Variants in CCDC33 observed in about 807,000 individuals in gnomAD.
The protein encoded by CCDC33 is coiled-coil domain containing 33, also known as coiled-coil domain-containing protein 33.
Under a neutral mutation model 91.9 loss-of-function variants are expected in CCDC33, and 94 were observed. That is an observed-to-expected ratio of 1.02 (90% CI 0.87 to 1.21). The LOEUF (loss-of-function observed/expected upper bound fraction) is 1.21. Among genes scored for constraint, CCDC33 ranks in the 50% most tolerant of loss-of-function variants. The pLI, the probability that CCDC33 is intolerant of heterozygous loss-of-function variation, is 0.00. For missense variants in CCDC33, 940 were observed against 935.5 expected (o/e 1.00, Z -0.06); for synonymous variants, 396 against 374.5 (o/e 1.06, Z -0.66).
chr15:74,246,062 C>A (rs1347976680), intron 2 of CCDC33, among the ~76,000 whole-genome samples: 2 of 152,222 alleles, frequency 1.3e-5, no homozygotes, highest in Non-Finnish European at 2.9e-5. Flanking sequence ...GAATTTATAT[C>A]CCTGCACATC....
intron 1 of CCDC33, among the ~76,000 whole-genome samples, chr15:74,204,025 G>C (rs534022258): frequency 1.5e-4 from 23 of 152,330 alleles, no homozygotes; most frequent in African/African-American, 5.5e-4. Context: ...TGCAGGGCAG[G>C]ATTAGGGGCT....
intron 7 of CCDC33, among the ~76,000 whole-genome samples, chr15:74,274,844 T>C (rs1164430179): frequency 6.6e-6 from 1 of 152,180 alleles, no homozygotes. Context: ...TGGGACCCGG[T>C]CCAGCAATGG....
chr15:74,213,636 G>C (rs765770166), upstream of CCDC33: 1 of 152,220 alleles, frequency 6.6e-6, no homozygotes, highest in East Asian at 1.9e-4. Flanking sequence ...AAGCCCCTCC[G>C]TGTTCGGGGT....
chr15:74,310,230 T>A (rs945981167), intron 11 of CCDC33, among the ~76,000 whole-genome samples: 1 of 151,590 alleles, frequency 6.6e-6, no homozygotes, highest in African/African-American at 2.4e-5. Flanking sequence ...GTGCAGAAGG[T>A]CTGGCTAATC....
At chr15:74,282,979 A>T (rs2059398195) in intron 10 of CCDC33, among the ~76,000 whole-genome samples, 1 of 152,186 alleles carries the variant, frequency 6.6e-6, no homozygotes, top group South Asian at 2.1e-4. Flanking sequence ...CCCACGCAGG[A>T]AAAATATCCA....
At chr15:74,214,643 C>G (rs2074395833), upstream of CCDC33, among the ~76,000 whole-genome samples, 1 of 152,242 alleles carries the variant, frequency 6.6e-6, no homozygotes, top group East Asian at 1.9e-4. Context: ...AGAACTGAGG[C>G]CAGACTCAGA....
At chr15:74,278,650 G>A (rs56402620) in intron 7 of CCDC33, among the ~76,000 whole-genome samples, 1 of 152,180 alleles carries the variant, frequency 6.6e-6, no homozygotes, top group African/African-American at 2.4e-5. Flanking sequence ...CCACATTTTT[G>A]ATTGTGCTGT....
At chr15:74,223,832 A>C (rs117204491) in intron 2 of CCDC33, among the ~76,000 whole-genome samples, 1,840 of 150,638 alleles carry the variant, frequency 0.012, 30 homozygotes, top group Non-Finnish European at 0.017. Flanking sequence ...TTTCTCCATC[A>C]ATTTACATTG....
Position 74,331,080 on chromosome 15 carries a change from G to A in CCDC33, c.1645G>A (p.Ala549Thr). 1.2e-6 allele frequency: 2 copies of A among 1,613,624 alleles called. No individual in the cohort carries two copies. The highest frequency in any genetic ancestry group is 1.7e-6 in the Non-Finnish European group (2 of 1,179,726). ...CCAGGGCAAGCTGCAGAAGATGAAG[G>A]CGCTGGAGGAGACTGTGCGGCACCA... is the stretch of plus-strand genomic sequence containing the variant. ...QYQGKLQKMK[A>T]LEETVRHQEK... The change falls in exon 14 of 19, where the codon GCG becomes ACG. Residue 549 changes from alanine (A) to threonine (T), a missense_variant. By Grantham distance (58) the Ala-to-Thr change is moderately conservative. Coordinates refer to ENST00000398814, the MANE Select transcript of CCDC33 (RefSeq NM_025055.5).
chr15:74,209,153 A>C, intron 1 of CCDC33: 3 of 1,289,216 alleles, frequency 2.3e-6, no homozygotes, highest in Non-Finnish European at 3.0e-6. Flanking sequence ...TCTCCAGCTC[A>C]GGCACAGAGC....
intron 11 of CCDC33, among the ~76,000 whole-genome samples, chr15:74,298,030 GA>G (rs1336119661): frequency 6.6e-6 from 1 of 152,230 alleles, no homozygotes; most frequent in Non-Finnish European, 1.5e-5. Context: ...CACAACCAAG[GA>G]GGGGGAAGTA....
rs776257067 is a variant in CCDC33 at position 74,243,940 on chromosome 15, G to A, written c.22-45G>A. On this transcript the variant is annotated intron_variant, in intron 1 of 18. Transcript: ENST00000398814. ...AGCCTGGGCAACAGAGCAAGACTCT[G>A]TCTCAAAAAAAAAAAAAAACACTCA... is the stretch of plus-strand genomic sequence containing the variant. The A allele has an allele frequency of 3.8e-5, 55 of 1,436,774 alleles. No homozygotes were observed. In the South Asian group the frequency reaches 7.0e-4, roughly 18 times the overall value. The allele number at this position is 1,436,774 out of a possible 1,614,324, so 89.0% of individuals were successfully genotyped here. A position where few individuals can be genotyped will look rare whatever the true frequency, so the allele number is the denominator to read the frequency against.
chr15:74,320,461 C>G (rs1408858061), intron 11 of CCDC33, among the ~76,000 whole-genome samples: 2 of 152,050 alleles, frequency 1.3e-5, no homozygotes, highest in Non-Finnish European at 2.9e-5. Context: ...CCACACAAGG[C>G]CTGCCTCCCA....
At chr15:74,241,993 C>A (rs2075363096) in intron 1 of CCDC33, among the ~76,000 whole-genome samples, 1 of 152,200 alleles carries the variant, frequency 6.6e-6, no homozygotes, top group African/African-American at 2.4e-5. Context: ...GCCAGTAGAC[C>A]CCCAAGGGGA....
chr15:74,260,156 G>A (rs1474542606), intron 2 of CCDC33, among the ~76,000 whole-genome samples: 1 of 152,248 alleles, frequency 6.6e-6, no homozygotes, highest in Non-Finnish European at 1.5e-5. Flanking sequence ...CCTAGGCACA[G>A]AGCGTCATGG....
rs949551206 is a variant in CCDC33, at chr15:74,332,915, C to A, written c.1938+70C>A. On this transcript the variant is annotated intron_variant, in intron 16 of 18. Transcript: ENST00000398814. ...GCCCAGAAATCACCCATGGTACAACCCAAGTTGAAGATCAAGACCAGGAGC... is the reference window on the plus strand; with the variant it reads ...GCCCAGAAATCACCCATGGTACAACACAAGTTGAAGATCAAGACCAGGAGC... 3.2e-5 allele frequency: 49 copies of A among 1,548,036 alleles called. No homozygotes were observed. In the East Asian group the frequency reaches 1.1e-3, roughly 34 times the overall value.
chr15:74,268,459 G>T lies in CCDC33; in HGVS notation c.546+1G>T, dbSNP rs758406772. The T allele has an allele frequency of 2.0e-6, 3 of 1,502,054 alleles. No homozygotes were observed. Among genetic ancestry groups the T allele is most frequent in the South Asian group, 1.2e-5 (1 of 86,890 alleles). 93.0% of individuals were successfully genotyped at this position (1,502,054 alleles called of 1,614,324 possible). A position where few individuals can be genotyped will look rare whatever the true frequency, so the allele number is the denominator to read the frequency against. ...CGGCTGCAACCACATGGCTCTGGAG[G>T]TACCAGGGCTGGGGCCCTCTGGGGT... On this transcript the variant is annotated splice_donor_variant, in intron 5 of 18. Transcript: ENST00000398814. LOFTEE classifies it high-confidence loss of function.
At chr15:74,328,490 G>A (rs1054882492) in intron 11 of CCDC33, among the ~76,000 whole-genome samples, 3 of 152,226 alleles carry the variant, frequency 2.0e-5, no homozygotes, top group African/African-American at 7.2e-5. Flanking sequence ...ATCTGGGCCT[G>A]ACTGCAAAGC....
chr15:74,280,594 T>C, intron 8 of CCDC33, 74 bp from the exon 9 acceptor site: 1 of 1,410,330 alleles, frequency 7.1e-7, no homozygotes, highest in South Asian at 1.8e-5. Flanking sequence ...ACAGGAGGAC[T>C]GGATGTCAGG....
Sources: allele counts gnomAD v4.1 joint callset (sites outside exome capture counted in the v4.1 genomes callset), GRCh38; gene constraint gnomAD v4.1.1; transcripts MANE v1.5; gene names NCBI Gene and HGNC (gene_info 2026-07-23, HGNC 2026-07-21).